ATAD2B: variants seen among roughly 807,000 people sequenced by gnomAD.
ATAD2B encodes the protein ATPase family AAA domain-containing protein 2B.
In ATAD2B, 40 loss-of-function variants were observed where a neutral mutation model predicts 167.6. The observed-to-expected ratio is 0.24, with a 90% CI of 0.19 to 0.31. The LOEUF (loss-of-function observed/expected upper bound fraction) is 0.31, where lower values mean the gene tolerates loss of function less well. Ranked by LOEUF, ATAD2B falls within the 10% of genes least tolerant of loss-of-function variation. The probability of loss-of-function intolerance (pLI) is 1.00; values close to 1 mark genes in which losing one functional copy is unlikely to be tolerated. For synonymous variants in ATAD2B, 579 were observed against 596.5 expected (o/e 0.97, Z 0.43); for missense variants, 1,242 against 1,757.2 (o/e 0.71, Z 5.24).
intron 22 of ATAD2B, among the ~76,000 whole-genome samples, chr2:23,779,269 G>A (rs955777791): frequency 6.8e-6 from 1 of 147,892 alleles, no homozygotes; most frequent in Non-Finnish European, 1.5e-5. Context: ...TCCGCCTCCC[G>A]GGTTCATGCT....
intron 14 of ATAD2B, 66 bp from the exon 15 acceptor site, chr2:23,829,005 A>T: frequency 9.6e-7 from 1 of 1,042,696 alleles, no homozygotes; most frequent in Non-Finnish European, 1.4e-6. Flanking sequence ...AAATATTATC[A>T]ATCCCTCAAA....
intron 1 of ATAD2B, 74 bp downstream of exon 1, chr2:23,926,481 A>G: frequency 3.3e-6 from 5 of 1,500,698 alleles, no homozygotes; most frequent in Non-Finnish European, 4.4e-6. Flanking sequence ...TCCTACCCCC[A>G]ACCCGGCCAG....
chr2:23,781,974 C>T (rs1174257490), intron 22 of ATAD2B, among the ~76,000 whole-genome samples: 2 of 152,112 alleles, frequency 1.3e-5, no homozygotes, highest in Non-Finnish European at 1.5e-5. Flanking sequence ...CCACCACACA[C>T]AGCTAATTTT....
At chr2:23,926,504 C>T (rs1704857499) in intron 1 of ATAD2B, 51 bp downstream of exon 1, 2 of 1,521,660 alleles carry the variant, frequency 1.3e-6, no homozygotes, top group East Asian at 2.5e-5. Flanking sequence ...AAAGCCCCGG[C>T]AGCAGGGCCG....
chr2:23,874,215 CAA>C (rs869286589), intron 8 of ATAD2B, among the ~76,000 whole-genome samples: 3 of 151,460 alleles, frequency 2.0e-5, no homozygotes, highest in African/African-American at 7.3e-5. Flanking sequence ...GCTTAAAAGC[CAA>C]AGAGTATACA....
In ATAD2B at chr2:23,760,699, TACACAC is replaced by T. The variant is rs1238984150; in HGVS notation, c.3394+1504_3394+1509del. ...AAAAAAATAAATAAATTTATATATATACACACACACACACACACACACACACACACA... is the reference window on the plus strand; with the variant it reads ...AAAAAAATAAATAAATTTATATATATACACACACACACACACACACACACA... On this transcript the variant is annotated intron_variant, in intron 24 of 27. Coordinates refer to ENST00000238789, the MANE Select transcript of ATAD2B (RefSeq NM_017552.4). 1.5e-4 allele frequency among the ~76,000 whole-genome samples: 19 copies of T among 123,638 alleles called. 1 individual carries two copies. Among genetic ancestry groups the T allele is most frequent in the African/African-American group, 4.3e-4 (14 of 32,774 alleles). 81.1% of individuals were successfully genotyped at this position (123,638 alleles called of 152,430 possible).
intron 18 of ATAD2B, among the ~76,000 whole-genome samples, chr2:23,798,794 G>A (rs1266282359): frequency 6.6e-6 from 1 of 152,078 alleles, no homozygotes; most frequent in Non-Finnish European, 1.5e-5. Flanking sequence ...TTTTAACCAA[G>A]ATGTACCACC....
intron 22 of ATAD2B, among the ~76,000 whole-genome samples, chr2:23,782,604 CAATTA>C (rs1680232685): frequency 6.6e-6 from 1 of 152,098 alleles, no homozygotes; most frequent in African/African-American, 2.4e-5. Context: ...AATATATTTT[CAATTA>C]AATTCTCAAA....
chr2:23,925,734 G>A (rs1240454421), intron 1 of ATAD2B, among the ~76,000 whole-genome samples: 1 of 152,148 alleles, frequency 6.6e-6, no homozygotes, highest in Non-Finnish European at 1.5e-5. Flanking sequence ...GTCTTTAAAT[G>A]TCATTTTTGC....
chr2:23,754,866 A>C, intron 25 of ATAD2B, 92 bp from the exon 26 acceptor site: 3 of 1,303,256 alleles, frequency 2.3e-6, no homozygotes, highest in Non-Finnish European at 3.2e-6. Flanking sequence ...TACCACACAA[A>C]TCCCTTTTGG....
At chr2:23,780,337 A>G (rs1296902429) in intron 22 of ATAD2B, among the ~76,000 whole-genome samples, 1 of 145,044 alleles carries the variant, frequency 6.9e-6, no homozygotes, top group Admixed American at 6.9e-5. Context: ...GGTAAAGCAA[A>G]CAAACAGCAA....
chr2:23,742,216 A>C, the ATAD2B span, among the ~76,000 whole-genome samples: 2 of 152,214 alleles, frequency 1.3e-5, no homozygotes, highest in African/African-American at 2.4e-5. Flanking sequence ...ATATACCCAA[A>C]GGATTATAAA....
the ATAD2B span, among the ~76,000 whole-genome samples, chr2:23,679,035 T>C: frequency 1.4e-5 from 2 of 138,326 alleles, no homozygotes; most frequent in Non-Finnish European, 3.1e-5. Context: ...TTAAAATGGG[T>C]ACATTTTACC....
intron 13 of ATAD2B, among the ~76,000 whole-genome samples, chr2:23,853,924 A>T (rs747908896): frequency 6.6e-6 from 1 of 152,202 alleles, no homozygotes; most frequent in Non-Finnish European, 1.5e-5. Context: ...ACTCTTCAAT[A>T]TATGGTTCTG....
chr2:23,701,921 C>CGGGTAGCT, the ATAD2B span, among the ~76,000 whole-genome samples: 7 of 151,338 alleles, frequency 4.6e-5, no homozygotes, highest in East Asian at 1.2e-3. Flanking sequence ...CTGCCTCAGC[C>CGGGTAGCT]GGGTAGCTGG....
intron 17 of ATAD2B, among the ~76,000 whole-genome samples, chr2:23,815,246 C>G (rs2149578662): frequency 6.6e-6 from 1 of 152,206 alleles, no homozygotes; most frequent in East Asian, 1.9e-4. Context: ...TATAGTAACC[C>G]AGGCATGACA....
chr2:23,742,963 A>C, the ATAD2B span, among the ~76,000 whole-genome samples: 1 of 152,166 alleles, frequency 6.6e-6, no homozygotes. Flanking sequence ...CAGGTCTGTG[A>C]AATTCCAGAG....
chr2:23,710,569 C>T, the ATAD2B span, among the ~76,000 whole-genome samples: 1 of 152,218 alleles, frequency 6.6e-6, no homozygotes, highest in African/African-American at 2.4e-5. Flanking sequence ...GGTGAATCCA[C>T]TCTGAGCATC....
At chr2:23,734,062 G>GA in the ATAD2B span, among the ~76,000 whole-genome samples, 2 of 152,034 alleles carry the variant, frequency 1.3e-5, no homozygotes, top group Non-Finnish European at 2.9e-5. Flanking sequence ...CCTCAGGGGG[G>GA]AAAAAAGCCT....
Sources: gnomAD v4.1 joint callset for allele counts (sites outside exome capture counted in the v4.1 genomes callset) on GRCh38, gnomAD v4.1.1 for gene constraint, MANE v1.5 for transcripts, NCBI Gene and HGNC (gene_info 2026-07-23, HGNC 2026-07-21) for gene names.